The following RC3H1 variants were observed in gnomAD, a reference collection of about 807,000 sequenced individuals.
The protein encoded by RC3H1 is roquin-1.
In RC3H1, 50 loss-of-function variants were observed where a neutral mutation model predicts 138.2. That is an observed-to-expected ratio of 0.36 (90% CI 0.29 to 0.46). RC3H1 has a LOEUF of 0.46. Among genes scored for constraint, RC3H1 ranks in the 20% least tolerant of loss-of-function variants. The pLI is 1.00. For synonymous variants in RC3H1, 462 were observed against 489.1 expected (o/e 0.94, Z 0.73); for missense variants, 1,031 against 1,388.1 (o/e 0.74, Z 4.09).
intron 9 of RC3H1, among the ~76,000 whole-genome samples, chr1:173,968,594 T>C (rs1660218562): frequency 6.6e-6 from 1 of 152,166 alleles, no homozygotes; most frequent in South Asian, 2.1e-4. Flanking sequence ...TTTCTAGTAC[T>C]AAAGTTTTTC....
chr1:173,992,301 C>A (rs1661322603), intron 2 of RC3H1, among the ~76,000 whole-genome samples: 2 of 152,064 alleles, frequency 1.3e-5, no homozygotes, highest in South Asian at 2.1e-4. Context: ...CACACCACCA[C>A]ACCCAGCTCA....
chr1:173,990,817 T>C (rs1661253076), intron 2 of RC3H1, among the ~76,000 whole-genome samples: 1 of 152,028 alleles, frequency 6.6e-6, no homozygotes, highest in Non-Finnish European at 1.5e-5. Context: ...TTAGCCGGGA[T>C]GGTCTTGATC....
Position 173,961,184 on chromosome 1 carries a change from G to A in RC3H1, c.2263C>T (p.His755Tyr), listed in dbSNP as rs1402916717. 2 of 1,614,144 alleles carry A rather than the reference G, an allele frequency of 1.2e-6. No individual in the cohort carries two copies. The highest frequency in any genetic ancestry group is 1.1e-5 in the South Asian group (1 of 91,082). The change falls in exon 13 of 20, where the codon CAT (histidine) becomes TAT (tyrosine). Residue 755 changes from histidine (H) to tyrosine (Y), a missense_variant. Transcript: ENST00000367696. ...PQPHPSLDEL[H>Y]RRRKEIMAQL... Reference sequence around the variant, plus strand: ...GCCATTATTTCCTTTCGTCGGCGATGTAGTTCATCTAGACTAGGATGAGGC... The same window carrying A: ...GCCATTATTTCCTTTCGTCGGCGATATAGTTCATCTAGACTAGGATGAGGC...
chr1:173,956,578 G>A (rs1659656087), intron 13 of RC3H1, among the ~76,000 whole-genome samples: 1 of 150,118 alleles, frequency 6.7e-6, no homozygotes, highest in Admixed American at 6.7e-5. Context: ...AGAATCACTT[G>A]AACCCAGGAG....
chr1:173,962,031 A>C lies in RC3H1; in HGVS notation c.1896T>G (p.Pro632=), dbSNP rs1157530959. The change falls in exon 12 of 20, where the codon CCT becomes CCG. Residue 632 remains proline, a synonymous_variant. Coordinates refer to ENST00000367696, the MANE Select transcript of RC3H1 (RefSeq NM_172071.4). ...SRFVRPPPSA[P]EPAPPYLDHY... ...GATCCAAGTAGGGAGGAGCAGGTTC[A>C]GGAGCAGATGGTGGAGGTCGGACAA... 2 of 1,614,014 alleles carry C rather than the reference A, an allele frequency of 1.2e-6. No individual in the cohort carries two copies. Among genetic ancestry groups the C allele is most frequent in the Non-Finnish European group, 1.7e-6 (2 of 1,179,990 alleles).
At chr1:173,978,338 A>T in intron 7 of RC3H1, 150 bp downstream of exon 7, 1 of 685,156 alleles carries the variant, frequency 1.5e-6, no homozygotes, top group East Asian at 2.9e-5. Context: ...AAGAGGGAAA[A>T]GATTTAAAAT....
In RC3H1 at chr1:174,012,704, G is replaced by A. The variant is rs1028693188; in HGVS notation, c.-151+9392C>T. On this transcript the variant is annotated intron_variant, in intron 1 of 19. Transcript: ENST00000367696. Reference sequence around the variant, plus strand: ...GAGGCTGAGGCAGGAGAATGGCGTGGACCCAGGAGGCAGAGCTTGCAGTGA... The same window carrying A: ...GAGGCTGAGGCAGGAGAATGGCGTGAACCCAGGAGGCAGAGCTTGCAGTGA... Among the ~76,000 whole-genome samples, 66 of 151,070 alleles carry A rather than the reference G, an allele frequency of 4.4e-4. 1 individual carries two copies. The highest frequency in any genetic ancestry group is 6.3e-4 in the Non-Finnish European group (43 of 67,820).
intron 1 of RC3H1, among the ~76,000 whole-genome samples, chr1:173,998,887 G>A (rs1201362494): frequency 6.6e-6 from 1 of 151,980 alleles, no homozygotes; most frequent in Non-Finnish European, 1.5e-5. Flanking sequence ...GAGACCAGGA[G>A]TTTGAGATCA....
chr1:173,946,877 G>T, intron 15 of RC3H1, 41 bp from the exon 16 acceptor site: 1 of 1,335,846 alleles, frequency 7.5e-7, no homozygotes, highest in South Asian at 1.2e-5. Flanking sequence ...TCACAGATTT[G>T]ATTCTTCTTT....
rs1661364464 is a variant in RC3H1 at position 173,993,096 on chromosome 1, T to C, written c.-111A>G. 4.0e-6 allele frequency: 3 copies of C among 755,768 alleles called. No individual in the cohort carries two copies. The highest frequency in any genetic ancestry group is 5.3e-5 in the Admixed American group (2 of 37,520). The allele number at this position is 755,768 out of a possible 1,614,324, so 46.8% of individuals were successfully genotyped here. A position where few individuals can be genotyped will look rare whatever the true frequency, so the allele number is the denominator to read the frequency against. ...AGTTTATCTTTTTTTTTTTTAAATATCTTCTGTAGATACAGTCAGCACATA... is the reference window on the plus strand; with the variant it reads ...AGTTTATCTTTTTTTTTTTTAAATACCTTCTGTAGATACAGTCAGCACATA... On this transcript the variant is annotated 5_prime_UTR_variant, in exon 2 of 20. Coordinates refer to ENST00000367696, the MANE Select transcript of RC3H1 (RefSeq NM_172071.4).
intron 11 of RC3H1, 93 bp from the exon 12 acceptor site, chr1:173,962,188 G>T: frequency 1.7e-6 from 2 of 1,167,676 alleles, no homozygotes; most frequent in African/African-American, 1.5e-5. Flanking sequence ...AAACACTAAA[G>T]TATTGATAAT....
Position 173,946,660 on chromosome 1 carries a change from C to A in RC3H1, c.2829-52G>T, listed in dbSNP as rs1439136982. The A allele has an allele frequency of 3.1e-6, 5 of 1,604,130 alleles. No homozygotes were observed. The Admixed American group carries it at 6.8e-5, about 22-fold the overall frequency. The stretch of plus-strand genomic sequence containing the variant: ...AAATTTTAACATTTCATTTTGTTAA[C>A]ATATTACTGACCAGAAAAACAAAAA... On this transcript the variant is annotated intron_variant, in intron 16 of 19. Coordinates refer to ENST00000367696, the MANE Select transcript of RC3H1 (RefSeq NM_172071.4).
chr1:173,989,299 G>A (rs958415040), intron 2 of RC3H1, among the ~76,000 whole-genome samples: 1 of 152,082 alleles, frequency 6.6e-6, no homozygotes, highest in Non-Finnish European at 1.5e-5. Context: ...GGGCTCAGGT[G>A]ATGCTCCCAC....
chr1:173,985,992 C>T (rs1661010195), intron 2 of RC3H1, among the ~76,000 whole-genome samples: 1 of 152,150 alleles, frequency 6.6e-6, no homozygotes, highest in African/African-American at 2.4e-5. Flanking sequence ...ACACAGAATT[C>T]TCATTATCCT....
intron 1 of RC3H1, among the ~76,000 whole-genome samples, chr1:174,012,740 C>T (rs1313765766): frequency 1.3e-5 from 2 of 149,816 alleles, no homozygotes; most frequent in Non-Finnish European, 3.0e-5. Context: ...GCCAAGATCA[C>T]GCGACTGCAC....
intron 19 of RC3H1, among the ~76,000 whole-genome samples, chr1:173,940,298 C>T (rs922088199): frequency 6.6e-6 from 1 of 151,984 alleles, no homozygotes; most frequent in Non-Finnish European, 1.5e-5. Context: ...ATGGAGAAAC[C>T]CTGTCTCTAC....
chr1:173,960,320 ACTGT>A, intron 13 of RC3H1, among the ~76,000 whole-genome samples: 1 of 152,062 alleles, frequency 6.6e-6, no homozygotes, highest in East Asian at 1.9e-4. Context: ...ATAAAGCAAC[ACTGT>A]CTAATAGAAA....
chr1:174,000,888 T>C (rs901395616), intron 1 of RC3H1, among the ~76,000 whole-genome samples: 2 of 152,104 alleles, frequency 1.3e-5, no homozygotes, highest in African/African-American at 4.8e-5. Context: ...AGGCTCAAGG[T>C]TTTTCCAGCA....
At position 173,932,366 on chromosome 1, in the gene RC3H1, CA is replaced by C. The variant is rs1658417055; in HGVS notation, c.*6354del. On this transcript the variant is annotated 3_prime_UTR_variant, in exon 20 of 20. Coordinates refer to ENST00000367696, the MANE Select transcript of RC3H1 (RefSeq NM_172071.4). ...CAGAGAAAAAGGGCAGAAGGGGTAA[CA>C]AGGGGAAGACACCACAAACACGAAG... is the stretch of plus-strand genomic sequence containing the variant. 6.6e-6 allele frequency: 1 copy of C among 151,880 alleles called. No homozygotes were observed. The highest frequency in any genetic ancestry group is 2.4e-5 in the African/African-American group (1 of 41,350). 9.4% of individuals were successfully genotyped at this position (151,880 alleles called of 1,614,324 possible).
Sources: allele counts gnomAD v4.1 joint callset (sites outside exome capture counted in the v4.1 genomes callset), GRCh38; gene constraint gnomAD v4.1.1; transcripts MANE v1.5; gene names NCBI Gene and HGNC (gene_info 2026-07-23, HGNC 2026-07-21).